CCDC83: variants seen among roughly 807,000 people sequenced by gnomAD.
CCDC83 encodes coiled-coil domain containing 83.
CCDC83 carries 54 observed loss-of-function variants against 50.1 expected under a neutral mutation model. That is an observed-to-expected ratio of 1.08 (90% CI 0.87 to 1.35). The LOEUF is 1.35. Ranked by LOEUF, CCDC83 falls within the 40% of genes most tolerant of loss-of-function variation. The probability of loss-of-function intolerance (pLI) is 0.00; values close to 1 mark genes in which losing one functional copy is unlikely to be tolerated. For missense variants in CCDC83, 518 were observed against 473.9 expected (o/e 1.09, Z -0.86); for synonymous variants, 161 against 153.3 (o/e 1.05, Z -0.37).
At chr11:85,908,584 TAGATA>T (rs1221290613) in intron 7 of CCDC83, among the ~76,000 whole-genome samples, 13 of 149,196 alleles carry the variant, frequency 8.7e-5, no homozygotes, top group African/African-American at 3.2e-4. Flanking sequence ...GATAGATAGA[TAGATA>T]GATAGATAGA....
At chr11:85,875,226 G>T (rs762350434) in intron 3 of CCDC83, among the ~76,000 whole-genome samples, 14 of 152,172 alleles carry the variant, frequency 9.2e-5, no homozygotes, top group Non-Finnish European at 2.1e-4. Flanking sequence ...ATTAGGAAAG[G>T]GTAGGTATAT....
intron 3 of CCDC83, among the ~76,000 whole-genome samples, chr11:85,878,601 T>A (rs1008825731): frequency 6.6e-6 from 1 of 152,254 alleles, no homozygotes; most frequent in African/African-American, 2.4e-5. Context: ...CTGGGTTGTT[T>A]CCAGTTATTG....
At chr11:85,870,555 T>C (rs2093231266) in intron 2 of CCDC83, among the ~76,000 whole-genome samples, 1 of 152,010 alleles carries the variant, frequency 6.6e-6, no homozygotes, top group Non-Finnish European at 1.5e-5. Context: ...AGGTAAGAAG[T>C]CAAAGATGAG....
intron 1 of CCDC83, among the ~76,000 whole-genome samples, chr11:85,859,168 A>AC (rs1288368221): frequency 6.7e-6 from 1 of 148,332 alleles, no homozygotes; most frequent in Non-Finnish European, 1.5e-5. Context: ...TAAAAAAAAA[A>AC]AAAAAAAAAA....
At chr11:85,901,573 A>ACAAAT (rs2093402202) in intron 7 of CCDC83, among the ~76,000 whole-genome samples, 1 of 143,570 alleles carries the variant, frequency 7.0e-6, no homozygotes, top group South Asian at 2.2e-4. Context: ...ACTCTGTCTC[A>ACAAAT]AAAATAAAAT....
At chr11:85,894,768 C>T (rs962797222) in intron 5 of CCDC83, among the ~76,000 whole-genome samples, 1 of 152,126 alleles carries the variant, frequency 6.6e-6, no homozygotes, top group African/African-American at 2.4e-5. Context: ...AAGGAATGAA[C>T]AAATTGGACT....
In CCDC83 at chr11:85,916,207, C is replaced by T; in HGVS notation, c.1054C>T (p.Leu352=). The T allele has an allele frequency of 6.2e-7, 1 of 1,610,548 alleles. No individual in the cohort carries two copies. Among genetic ancestry groups the T allele is most frequent in the South Asian group, 1.1e-5 (1 of 90,370 alleles). ...TGGGGACACTGATATGAAGTACTTACTATATGAGGATGAGAAGGATTTCAA... is the reference window on the plus strand; with the variant it reads ...TGGGGACACTGATATGAAGTACTTATTATATGAGGATGAGAAGGATTTCAA... ...EFGDTDMKYL[L]YEDEKDFKDY... Residue 352 remains leucine (L), a synonymous_variant, in exon 10 of 11, where the codon CTA becomes TTA. Coordinates refer to ENST00000342404, the MANE Select transcript of CCDC83 (RefSeq NM_001286159.2).
At chr11:85,900,505 G>T (rs1365356626) in intron 7 of CCDC83, among the ~76,000 whole-genome samples, 1 of 152,076 alleles carries the variant, frequency 6.6e-6, no homozygotes, top group Non-Finnish European at 1.5e-5. Context: ...ACAGTCTCCA[G>T]TCCACATTCC....
chr11:85,881,376 CCA>C (rs1491334850), intron 3 of CCDC83, among the ~76,000 whole-genome samples: 4 of 149,068 alleles, frequency 2.7e-5, no homozygotes, highest in Admixed American at 2.0e-4. Flanking sequence ...CCATCCCCCC[CCA>C]AAAAAAAAAA....
At chr11:85,872,256 G>A (rs921414299) in intron 2 of CCDC83, among the ~76,000 whole-genome samples, 3 of 152,154 alleles carry the variant, frequency 2.0e-5, no homozygotes, top group East Asian at 2.0e-4. Context: ...AGCCCGAAGC[G>A]GGCAGATCAC....
intron 1 of CCDC83, among the ~76,000 whole-genome samples, chr11:85,859,158 TAAAAAAAAAAAAA>T (rs55964668): frequency 1.5e-5 from 1 of 68,792 alleles, no homozygotes; most frequent in Non-Finnish European, 2.8e-5. Flanking sequence ...CTTGGTGCCT[TAAAAAAAAAAAAA>T]AAAAAAAAAC....
chr11:85,887,669 T>G (rs1258909336), intron 5 of CCDC83, among the ~76,000 whole-genome samples: 1 of 151,974 alleles, frequency 6.6e-6, no homozygotes, highest in East Asian at 1.9e-4. Context: ...CATATATATA[T>G]ATATATATCA....
At chr11:85,861,998 T>TAAAAAA (rs34372795) in intron 1 of CCDC83, among the ~76,000 whole-genome samples, 2 of 94,814 alleles carry the variant, frequency 2.1e-5, no homozygotes, top group Admixed American at 1.2e-4. Flanking sequence ...CCTGTCTCAT[T>TAAAAAA]AAAAAAAAAA....
chr11:85,911,937 T>C (rs1487486197), intron 8 of CCDC83, among the ~76,000 whole-genome samples: 1 of 152,146 alleles, frequency 6.6e-6, no homozygotes, highest in Non-Finnish European at 1.5e-5. Flanking sequence ...CATATACCTT[T>C]ATATGTTTGG....
intron 4 of CCDC83, among the ~76,000 whole-genome samples, chr11:85,883,342 C>T (rs1565142386): frequency 6.6e-6 from 1 of 151,004 alleles, no homozygotes; most frequent in Non-Finnish European, 1.5e-5. Flanking sequence ...TTGACTTCAG[C>T]TTCAGCTTAG....
At chr11:85,858,342 C>T (rs927688647) in intron 1 of CCDC83, among the ~76,000 whole-genome samples, 1 of 152,200 alleles carries the variant, frequency 6.6e-6, no homozygotes, top group African/African-American at 2.4e-5. Flanking sequence ...GTACTTGTCC[C>T]GTGATGGCCC....
chr11:85,873,500 G>A (rs2093251919), intron 3 of CCDC83, among the ~76,000 whole-genome samples: 1 of 152,126 alleles, frequency 6.6e-6, no homozygotes, highest in Admixed American at 6.5e-5. Context: ...TAATGTCAGT[G>A]GAAGTTGGGT....
chr11:85,894,661 C>G (rs1335669793), intron 5 of CCDC83, among the ~76,000 whole-genome samples: 1 of 152,194 alleles, frequency 6.6e-6, no homozygotes, highest in Admixed American at 6.5e-5. Context: ...GTACATATCA[C>G]AAGGACGGGT....
chr11:85,905,302 C>T (rs541849785), intron 7 of CCDC83, among the ~76,000 whole-genome samples: 3 of 150,936 alleles, frequency 2.0e-5, no homozygotes, highest in African/African-American at 7.3e-5. Context: ...ATTAGCCGGG[C>T]GTGATGGTGC....
Sources: allele counts gnomAD v4.1 joint callset (sites outside exome capture counted in the v4.1 genomes callset), GRCh38; gene constraint gnomAD v4.1.1; transcripts MANE v1.5; gene names NCBI Gene and HGNC (gene_info 2026-07-23, HGNC 2026-07-21).